RNF216: variants seen among roughly 807,000 people sequenced by gnomAD.
RNF216 encodes ring finger protein 216.
Under a neutral mutation model 110.8 loss-of-function variants are expected in RNF216, and 72 were observed. That is an observed-to-expected ratio of 0.65 (90% CI 0.54 to 0.79). The LOEUF (loss-of-function observed/expected upper bound fraction) is 0.79. Among genes scored for constraint, RNF216 ranks in the 30% least tolerant of loss-of-function variants. The probability of loss-of-function intolerance (pLI) is 0.00; values close to 1 mark genes in which losing one functional copy is unlikely to be tolerated. For synonymous variants in RNF216, 495 were observed against 407.5 expected, an observed-to-expected ratio of 1.21 and a Z score of -2.59; for missense variants, 1,342 against 1,141.2, an observed-to-expected ratio of 1.18 and a Z score of -2.54.
chr7:5,680,412 G>C lies in RNF216; in HGVS notation c.2062-27902C>G, dbSNP rs1318093737. 1 of 152,074 alleles carries C rather than the reference G, an allele frequency of 6.6e-6. No individual in the cohort carries two copies. The highest frequency in any genetic ancestry group is 1.5e-5 in the Non-Finnish European group (1 of 68,014). 9.4% of individuals were successfully genotyped at this position (152,074 alleles called of 1,614,324 possible). On this transcript the variant is annotated intron_variant, in intron 13 of 16. Transcript: ENST00000389902. The surrounding 1 kb of genome is among the most constrained non-coding windows in gnomAD (Gnocchi z 4.3). ...CTGGTTACTCAACACTTCTTTTTTT[G>C]TTGTTGTTGAGACGGAGTCTTGCCC...
At chr7:5,700,354 C>T (rs975772993) in intron 13 of RNF216, among the ~76,000 whole-genome samples, 2 of 151,954 alleles carry the variant, frequency 1.3e-5, no homozygotes, top group Admixed American at 6.6e-5. Context: ...AGTGCAATGA[C>T]AAAAAGGAGG....
chr7:5,714,605 A>C (rs1792924258), intron 11 of RNF216, among the ~76,000 whole-genome samples: 1 of 152,202 alleles, frequency 6.6e-6, no homozygotes, highest in African/African-American at 2.4e-5. Flanking sequence ...GCTGGAACAA[A>C]ATACCACAAA....
intron 1 of RNF216, among the ~76,000 whole-genome samples, chr7:5,762,153 G>A (rs1217563239): frequency 6.6e-6 from 1 of 152,126 alleles, no homozygotes; most frequent in Non-Finnish European, 1.5e-5. Context: ...ATTAACTAAT[G>A]TTAAATGAAA....
chr7:5,635,779 C>T (rs1438875661), intron 15 of RNF216, among the ~76,000 whole-genome samples: 1 of 152,228 alleles, frequency 6.6e-6, no homozygotes, highest in African/African-American at 2.4e-5. Context: ...AGCACTGCTA[C>T]AGAACTGAAT....
chr7:5,650,534 T>A (rs185706934), intron 14 of RNF216, among the ~76,000 whole-genome samples: 12 of 152,226 alleles, frequency 7.9e-5, no homozygotes, highest in Admixed American at 3.9e-4. Context: ...TCATTTGGGT[T>A]GTCTGCAGAA....
At chr7:5,765,689 T>C (rs1796166736) in intron 1 of RNF216, among the ~76,000 whole-genome samples, 1 of 150,166 alleles carries the variant, frequency 6.7e-6, no homozygotes, top group South Asian at 2.1e-4. Flanking sequence ...ACACCTGTAA[T>C]CCCAGTACTT....
intron 1 of RNF216, among the ~76,000 whole-genome samples, chr7:5,767,481 C>T (rs1373751694): frequency 6.6e-6 from 1 of 152,114 alleles, no homozygotes; most frequent in Admixed American, 6.6e-5. Flanking sequence ...ATAACCTCCT[C>T]ACCCCCCACC....
intron 5 of RNF216, among the ~76,000 whole-genome samples, chr7:5,732,091 A>G (rs1232838096): frequency 6.6e-6 from 1 of 152,188 alleles, no homozygotes; most frequent in East Asian, 1.9e-4. Flanking sequence ...CCTGAGGCCC[A>G]AAGAGAGGAA....
chr7:5,734,717 G>A (rs1415606268), intron 5 of RNF216, among the ~76,000 whole-genome samples: 5 of 151,464 alleles, frequency 3.3e-5, no homozygotes, highest in East Asian at 1.9e-4. Flanking sequence ...CCAGCTATTC[G>A]GGAGACTGAG....
intron 8 of RNF216, among the ~76,000 whole-genome samples, chr7:5,723,956 G>A (rs1476616689): frequency 6.6e-6 from 1 of 152,098 alleles, no homozygotes; most frequent in Non-Finnish European, 1.5e-5. Context: ...TACTTCCAGG[G>A]TCCTTCAAGA....
At chr7:5,713,970 C>T (rs1440186732) in intron 11 of RNF216, among the ~76,000 whole-genome samples, 1 of 152,170 alleles carries the variant, frequency 6.6e-6, no homozygotes, top group East Asian at 1.9e-4. Flanking sequence ...CTGCTTGACT[C>T]CAAAGGTCAC....
At chr7:5,623,674 T>C (rs1160643788) in intron 16 of RNF216, among the ~76,000 whole-genome samples, 2 of 152,062 alleles carry the variant, frequency 1.3e-5, no homozygotes, top group South Asian at 4.1e-4. Flanking sequence ...GATCCAGTGA[T>C]GCTCCCACCT....
chr7:5,631,916 T>C (rs993309058), intron 15 of RNF216, among the ~76,000 whole-genome samples: 3 of 152,174 alleles, frequency 2.0e-5, no homozygotes, highest in African/African-American at 7.2e-5. Context: ...ACGGATTGCT[T>C]AGCTCACACC....
intron 5 of RNF216, among the ~76,000 whole-genome samples, chr7:5,732,622 T>A (rs1584531893): frequency 6.6e-6 from 1 of 152,376 alleles, no homozygotes; most frequent in Non-Finnish European, 1.5e-5. Context: ...CCCTTCATTA[T>A]GTTTACCAAC....
intron 13 of RNF216, among the ~76,000 whole-genome samples, chr7:5,703,687 A>G (rs1792111531): frequency 6.6e-6 from 1 of 152,250 alleles, no homozygotes; most frequent in African/African-American, 2.4e-5. Flanking sequence ...GTGGTTACAC[A>G]ACCACACACA....
rs528737623 is a variant in RNF216 at position 5,765,068 on chromosome 7, TA to T, written c.-69-3931del. ...CCTAGGAAACAAAGCAAGACTCTCTTAAAAAAAAAAAAAAAAGTAAGGATGG... is the reference window on the plus strand; with the variant it reads ...CCTAGGAAACAAAGCAAGACTCTCTTAAAAAAAAAAAAAAAGTAAGGATGG... On this transcript the variant is annotated intron_variant, in intron 1 of 16. Coordinates refer to ENST00000389902, the MANE Select transcript of RNF216 (RefSeq NM_207111.4). Among the ~76,000 whole-genome samples, 607 of 128,434 alleles carry T rather than the reference TA, an allele frequency of 4.7e-3. 1 individual carries two copies. The highest frequency in any genetic ancestry group is 0.019 in the Middle Eastern group (4 of 212). The allele number at this position is 128,434 out of a possible 152,430, so 84.3% of individuals were successfully genotyped here. A position where few individuals can be genotyped will look rare whatever the true frequency, so the allele number is the denominator to read the frequency against.
At chr7:5,703,104 G>A (rs1792074670) in intron 13 of RNF216, among the ~76,000 whole-genome samples, 1 of 152,218 alleles carries the variant, frequency 6.6e-6, no homozygotes, top group Non-Finnish European at 1.5e-5. Context: ...ATTCCATGAT[G>A]AGAAATTCTC....
At chr7:5,632,006 C>A (rs1401119830) in intron 15 of RNF216, among the ~76,000 whole-genome samples, 1 of 152,322 alleles carries the variant, frequency 6.6e-6, no homozygotes, top group South Asian at 2.1e-4. Context: ...AGTGGCTGGA[C>A]CACCAAGGTG....
At chr7:5,761,606 T>A (rs1795937950) in intron 1 of RNF216, among the ~76,000 whole-genome samples, 1 of 152,012 alleles carries the variant, frequency 6.6e-6, no homozygotes, top group African/African-American at 2.4e-5. Context: ...ACCAACATGG[T>A]GAAATGCCAA....
Sources: allele counts gnomAD v4.1 joint callset (sites outside exome capture counted in the v4.1 genomes callset), GRCh38; gene constraint gnomAD v4.1.1; non-coding constraint Gnocchi (gnomAD v3.1); transcripts MANE v1.5; gene names NCBI Gene and HGNC (gene_info 2026-07-23, HGNC 2026-07-21).